KDM2A: variants seen among roughly 807,000 people sequenced by gnomAD.
KDM2A encodes the protein lysine demethylase 2A.
Under a neutral mutation model 137.3 loss-of-function variants are expected in KDM2A, and 3 were observed. The ratio of observed to expected loss-of-function variants is 0.02; its 90% confidence interval spans 0.01 to 0.06. KDM2A has a LOEUF of 0.06. KDM2A is among the 10% of genes least tolerant of loss of function. The pLI, the probability that KDM2A is intolerant of heterozygous loss-of-function variation, is 1.00. For missense variants in KDM2A, 738 were observed against 1,510.6 expected (o/e 0.49, Z 8.48); for synonymous variants, 512 against 541.5 (o/e 0.95, Z 0.76).
intron 2 of KDM2A, among the ~76,000 whole-genome samples, chr11:67,161,216 G>A (rs1448027543): frequency 6.6e-6 from 1 of 152,114 alleles, no homozygotes; most frequent in Admixed American, 6.5e-5. Context: ...TTTTTAAATT[G>A]AAACCAAAAA....
chr11:67,208,786 A>C (rs968569663), intron 6 of KDM2A, among the ~76,000 whole-genome samples: 2 of 151,150 alleles, frequency 1.3e-5, no homozygotes, highest in African/African-American at 4.9e-5. Context: ...AAAAAAAAAA[A>C]ATTCACTCTT....
At chr11:67,209,133 A>G (rs1313219193) in intron 6 of KDM2A, among the ~76,000 whole-genome samples, 1 of 151,760 alleles carries the variant, frequency 6.6e-6, no homozygotes, top group African/African-American at 2.4e-5. Context: ...GGGTTTCATC[A>G]TGTTGGCCAG....
At position 67,120,271 on chromosome 11, in the gene KDM2A, C is replaced by A. The variant is rs185040117; in HGVS notation, c.-84+222C>A. ...GCAAGCACGGTTTCCCTCCCGACTT[C>A]GGGCCAGGGCTTCCTCCGGGAGGGC... On this transcript the variant is annotated intron_variant, in intron 1 of 20. Coordinates refer to ENST00000529006, the MANE Select transcript of KDM2A (RefSeq NM_012308.3). Among the ~76,000 whole-genome samples, 66 of 152,320 alleles carry A rather than the reference C, an allele frequency of 4.3e-4. No homozygotes were observed. In the East Asian group the frequency reaches 0.012, roughly 29 times the overall value.
At chr11:67,152,649 TA>T (rs986181115) in intron 2 of KDM2A, among the ~76,000 whole-genome samples, 5 of 152,128 alleles carry the variant, frequency 3.3e-5, no homozygotes, top group African/African-American at 1.2e-4. Context: ...CGGAAAAATT[TA>T]AATTACATAT....
At chr11:67,158,259 T>C (rs745990566) in intron 2 of KDM2A, among the ~76,000 whole-genome samples, 5 of 152,224 alleles carry the variant, frequency 3.3e-5, no homozygotes, top group East Asian at 1.9e-4. Flanking sequence ...TGGCTACATA[T>C]CTCATTTCTT....
chr11:67,120,313 C>T (rs563634591), intron 1 of KDM2A, among the ~76,000 whole-genome samples: 2 of 152,336 alleles, frequency 1.3e-5, no homozygotes, highest in South Asian at 4.1e-4. Flanking sequence ...TCTAACTGCT[C>T]TGCAAACTGT....
intron 15 of KDM2A, among the ~76,000 whole-genome samples, chr11:67,247,069 ATATTTTTTTTTTTTTTTT>A (rs1859263260): frequency 4.7e-5 from 1 of 21,068 alleles, no homozygotes; most frequent in Admixed American, 7.8e-4. Context: ...ATATATATAT[ATATTTTTTTTTTTTTTTT>A]TTTTTTTTTT....
chr11:67,235,155 A>G (rs1202731279), intron 12 of KDM2A, among the ~76,000 whole-genome samples: 1 of 151,634 alleles, frequency 6.6e-6, no homozygotes, highest in Non-Finnish European at 1.5e-5. Flanking sequence ...AAAAAAAAAA[A>G]AAAAAGAAAA....
chr11:67,230,795 AAGAAAAG>A (rs1858688409), intron 11 of KDM2A, among the ~76,000 whole-genome samples: 1 of 152,180 alleles, frequency 6.6e-6, no homozygotes, highest in Non-Finnish European at 1.5e-5. Context: ...TAAATTATAA[AAGAAAAG>A]ACTGGTGAAC....
At chr11:67,151,060 CAG>C (rs1214572055) in intron 2 of KDM2A, among the ~76,000 whole-genome samples, 1 of 152,120 alleles carries the variant, frequency 6.6e-6, no homozygotes, top group Non-Finnish European at 1.5e-5. Context: ...ATAGTAGAAG[CAG>C]GGGTTCAGTT....
chr11:67,217,970 T>C (rs972839270), intron 9 of KDM2A, 86 bp downstream of exon 9: 6 of 1,185,932 alleles, frequency 5.1e-6, no homozygotes, highest in South Asian at 1.6e-5. Flanking sequence ...AGAATAGTTA[T>C]GATGCTGGGC....
At chr11:67,154,242 A>G (rs1430648989) in intron 2 of KDM2A, among the ~76,000 whole-genome samples, 1 of 152,200 alleles carries the variant, frequency 6.6e-6, no homozygotes, top group East Asian at 1.9e-4. Context: ...AGCCCATCCA[A>G]TAAGAATGGT....
intron 5 of KDM2A, among the ~76,000 whole-genome samples, chr11:67,183,203 C>T (rs554906331): frequency 2.0e-5 from 3 of 152,154 alleles, no homozygotes; most frequent in African/African-American, 2.4e-5. Context: ...TCAGTAAATC[C>T]GTTGAATAAT....
chr11:67,199,684 C>T (rs1857570907), intron 5 of KDM2A, among the ~76,000 whole-genome samples: 1 of 152,146 alleles, frequency 6.6e-6, no homozygotes, highest in Non-Finnish European at 1.5e-5. Flanking sequence ...GTTTAAGAAA[C>T]CATCTTTGTA....
intron 5 of KDM2A, among the ~76,000 whole-genome samples, chr11:67,205,150 A>G (rs1244286887): frequency 6.6e-6 from 1 of 152,120 alleles, no homozygotes; most frequent in African/African-American, 2.4e-5. Flanking sequence ...ATTTCTCTGC[A>G]TTTTTGCTAG....
intron 5 of KDM2A, among the ~76,000 whole-genome samples, chr11:67,188,952 C>T (rs1857276733): frequency 6.6e-6 from 1 of 152,124 alleles, no homozygotes; most frequent in Admixed American, 6.6e-5. Context: ...GAGAAGTAGA[C>T]ATTTCTATAC....
At chr11:67,235,159 AAG>A (rs1206048261) in intron 12 of KDM2A, among the ~76,000 whole-genome samples, 1 of 151,576 alleles carries the variant, frequency 6.6e-6, no homozygotes, top group African/African-American at 2.4e-5. Context: ...AAAAAAAAAA[AAG>A]AAAAAAGAAA....
At chr11:67,217,941 A>G (rs1331237446) in intron 9 of KDM2A, 57 bp downstream of exon 9, 1 of 1,416,536 alleles carries the variant, frequency 7.1e-7, no homozygotes, top group East Asian at 2.4e-5. Flanking sequence ...ATGAAAAAGA[A>G]ATTGATGGAT....
Position 67,121,225 on chromosome 11 carries a change from A to T in KDM2A, c.-83-9A>T. On this transcript the variant is annotated splice_polypyrimidine_tract_variant and intron_variant, in intron 1 of 20. Coordinates refer to ENST00000529006, the MANE Select transcript of KDM2A (RefSeq NM_012308.3). ...AGTTCTCATTTCTGCTTATATCATTATTCTTTAGTGTTGCAATCTGGTTCC... is the reference window on the plus strand; with the variant it reads ...AGTTCTCATTTCTGCTTATATCATTTTTCTTTAGTGTTGCAATCTGGTTCC... 1.1e-6 allele frequency: 1 copy of T among 877,116 alleles called. No homozygotes were observed. Among genetic ancestry groups the T allele is most frequent in the South Asian group, 1.4e-5 (1 of 70,800 alleles). The allele number at this position is 877,116 out of a possible 1,614,324, so 54.3% of individuals were successfully genotyped here.
Sources: gnomAD v4.1 joint callset for allele counts (sites outside exome capture counted in the v4.1 genomes callset) on GRCh38, gnomAD v4.1.1 for gene constraint, MANE v1.5 for transcripts, NCBI Gene and HGNC (gene_info 2026-07-23, HGNC 2026-07-21) for gene names.